The following FHIT variants were observed in gnomAD, a reference collection of about 807,000 sequenced individuals.
FHIT encodes fragile histidine triad diadenosine triphosphatase.
In FHIT, 19 loss-of-function variants were observed where a neutral mutation model predicts 17.9. The ratio of observed to expected loss-of-function variants is 1.06; its 90% CI spans 0.74 to 1.56. FHIT has a LOEUF of 1.56. FHIT is among the 40% of genes most tolerant of loss of function. FHIT has a pLI of 0.00. For missense variants in FHIT, 248 were observed against 189.2 expected (o/e 1.31, Z -1.82); for synonymous variants, 81 against 69.7 (o/e 1.16, Z -0.81).
intron 5 of FHIT, among the ~76,000 whole-genome samples, chr3:60,522,351 T>C (rs1219214688): frequency 6.6e-6 from 1 of 152,140 alleles, no homozygotes; most frequent in Non-Finnish European, 1.5e-5. Flanking sequence ...CCTCAAGTGA[T>C]CACCTGCCTC....
chr3:60,384,336 A>C (rs1411306068), intron 5 of FHIT, among the ~76,000 whole-genome samples: 1 of 152,158 alleles, frequency 6.6e-6, no homozygotes, highest in African/African-American at 2.4e-5. Context: ...AACTTCCATA[A>C]TATCTTAAGT....
intron 3 of FHIT, among the ~76,000 whole-genome samples, chr3:60,841,260 G>T (rs572164948): frequency 6.6e-6 from 1 of 152,166 alleles, no homozygotes; most frequent in Non-Finnish European, 1.5e-5. Context: ...ATAAATTCCT[G>T]TTGAAAAGTA....
At chr3:60,248,092 T>G (rs1705496943) in intron 5 of FHIT, among the ~76,000 whole-genome samples, 1 of 152,170 alleles carries the variant, frequency 6.6e-6, no homozygotes, top group Non-Finnish European at 1.5e-5. Context: ...ATTGTCATTC[T>G]TCAGTGCATT....
chr3:60,266,544 G>C (rs1358269458), intron 5 of FHIT, among the ~76,000 whole-genome samples: 3 of 152,028 alleles, frequency 2.0e-5, no homozygotes, highest in African/African-American at 7.2e-5. Context: ...TGGGTGAATG[G>C]TATGCTACAT....
chr3:59,852,132 C>G (rs1188475033), intron 8 of FHIT, among the ~76,000 whole-genome samples: 1 of 152,158 alleles, frequency 6.6e-6, no homozygotes, highest in African/African-American at 2.4e-5. Flanking sequence ...ATATGGCTCT[C>G]CACCCAGCCA....
rs149824241 is a variant in FHIT, at chr3:61,154,054, C to T, written c.-164+46563G>A. ...CCAACTTGAAGAAATTTCAACTGCT[C>T]TATTCTTTCCACAACTGCCCATTGT... On this transcript the variant is annotated intron_variant, in intron 2 of 9. Transcript: ENST00000492590. Among the ~76,000 whole-genome samples, 73 of 152,288 alleles carry T rather than the reference C, an allele frequency of 4.8e-4. 2 individuals are homozygous for T. Among genetic ancestry groups the T allele is most frequent in the African/African-American group, 1.6e-3 (66 of 41,558 alleles).
intron 5 of FHIT, among the ~76,000 whole-genome samples, chr3:60,276,062 A>G (rs1346247282): frequency 2.7e-5 from 4 of 149,922 alleles, no homozygotes; most frequent in African/African-American, 9.8e-5. Flanking sequence ...ATCTCGGCTC[A>G]CTGCAAGCTC....
intron 5 of FHIT, among the ~76,000 whole-genome samples, chr3:60,330,202 G>C (rs1223162053): frequency 6.6e-6 from 1 of 152,176 alleles, no homozygotes; most frequent in African/African-American, 2.4e-5. Context: ...CAGACTGACA[G>C]AGCAAGTATT....
intron 4 of FHIT, among the ~76,000 whole-genome samples, chr3:60,699,624 G>A (rs1378520315): frequency 7.2e-6 from 1 of 139,600 alleles, no homozygotes; most frequent in Admixed American, 6.9e-5. Flanking sequence ...CACCAGCATG[G>A]CACATGTATA....
chr3:60,787,121 A>C (rs536798360), intron 4 of FHIT, among the ~76,000 whole-genome samples: 1 of 152,258 alleles, frequency 6.6e-6, no homozygotes, highest in East Asian at 1.9e-4. Context: ...TACAATTCCC[A>C]AGGAAGGGAT....
intron 3 of FHIT, among the ~76,000 whole-genome samples, chr3:61,019,093 C>G (rs762882485): frequency 6.6e-6 from 1 of 151,572 alleles, no homozygotes; most frequent in Non-Finnish European, 1.5e-5. Context: ...GGCTGTCTGG[C>G]CTTCCTTAGG....
At chr3:60,744,923 T>C (rs2042326594) in intron 4 of FHIT, among the ~76,000 whole-genome samples, 1 of 152,080 alleles carries the variant, frequency 6.6e-6, no homozygotes, top group African/African-American at 2.4e-5. Context: ...GATATCAAGG[T>C]GAGTCAAAAC....
At chr3:59,962,058 T>C (rs1321474205) in intron 7 of FHIT, among the ~76,000 whole-genome samples, 2 of 152,158 alleles carry the variant, frequency 1.3e-5, no homozygotes, top group African/African-American at 2.4e-5. Flanking sequence ...AAACAATTCA[T>C]TTCGATTAAA....
At chr3:59,890,678 T>C (rs1703817303) in intron 8 of FHIT, among the ~76,000 whole-genome samples, 1 of 152,110 alleles carries the variant, frequency 6.6e-6, no homozygotes, top group South Asian at 2.1e-4. Context: ...TGAAACACTA[T>C]TACCAAAAAG....
intron 5 of FHIT, among the ~76,000 whole-genome samples, chr3:60,162,285 AT>A (rs1384695661): frequency 1.3e-5 from 2 of 151,766 alleles, no homozygotes; most frequent in Non-Finnish European, 2.9e-5. Context: ...AGATCTTTTA[AT>A]TTTACTCTTG....
At chr3:60,711,053 G>C (rs2041516087) in intron 4 of FHIT, among the ~76,000 whole-genome samples, 1 of 152,108 alleles carries the variant, frequency 6.6e-6, no homozygotes, top group African/African-American at 2.4e-5. Context: ...ACCTCACACG[G>C]CTGGGTACTT....
chr3:60,751,085 T>A (rs981695854), intron 4 of FHIT, among the ~76,000 whole-genome samples: 3 of 152,234 alleles, frequency 2.0e-5, no homozygotes, highest in Non-Finnish European at 4.4e-5. Flanking sequence ...GTCATCTTTC[T>A]AACCCTAGGG....
At chr3:60,481,365 C>T (rs956653432) in intron 5 of FHIT, among the ~76,000 whole-genome samples, 3 of 152,138 alleles carry the variant, frequency 2.0e-5, no homozygotes, top group African/African-American at 7.2e-5. Flanking sequence ...CCCCAAGACA[C>T]ATAATCATCA....
rs1227256122 is a variant in FHIT at position 60,173,913 on chromosome 3, A to T, written c.104-159761T>A. Among the ~76,000 whole-genome samples the T allele has an allele frequency of 9.5e-3, 653 of 68,480 alleles. 52 individuals carry two copies. The East Asian group carries it at 0.13, about 13-fold the overall frequency. The allele number at this position is 68,480 out of a possible 152,430, so 44.9% of individuals were successfully genotyped here. A position where few individuals can be genotyped will look rare whatever the true frequency, so the allele number is the denominator to read the frequency against. On this transcript the variant is annotated intron_variant, in intron 5 of 9. Coordinates refer to ENST00000492590, the MANE Select transcript of FHIT (RefSeq NM_002012.4). ...TATATATATATATATATATATATAT[A>T]TATGTTTTTTTTTTTTTTTGAGATC... is the stretch of plus-strand genomic sequence containing the variant.
Sources: allele counts gnomAD v4.1 joint callset (sites outside exome capture counted in the v4.1 genomes callset), GRCh38; gene constraint gnomAD v4.1.1; transcripts MANE v1.5; gene names NCBI Gene and HGNC (gene_info 2026-07-23, HGNC 2026-07-21).